OR2L13: variants seen among roughly 807,000 people sequenced by gnomAD.
OR2L13 encodes olfactory receptor family 2 subfamily L member 13.
A neutral mutation model predicts 15.3 loss-of-function variants in OR2L13; 14 were observed. The observed-to-expected ratio is 0.91, with a 90% CI of 0.60 to 1.43. The LOEUF (loss-of-function observed/expected upper bound fraction) is 1.43. OR2L13 is among the 40% of genes most tolerant of loss of function. OR2L13 has a pLI of 0.00. For synonymous variants in OR2L13, 152 were observed against 142.9 expected, an observed-to-expected ratio of 1.06 and a Z score of -0.45; for missense variants, 367 against 387.9, an observed-to-expected ratio of 0.95 and a Z score of 0.45.
At chr1:247,960,853 T>G in the OR2L13 span, among the ~76,000 whole-genome samples, 1 of 152,164 alleles carries the variant, frequency 6.6e-6, no homozygotes, top group African/African-American at 2.4e-5. Flanking sequence ...TTTCTTTGAC[T>G]AGGAAAGGGA....
chr1:248,075,922 C>T, the OR2L13 span, among the ~76,000 whole-genome samples: 1,138 of 152,210 alleles, frequency 7.5e-3, 19 homozygotes, highest in African/African-American at 0.026. Context: ...ACGCCCTTGC[C>T]CTTGCCTATG....
At chr1:248,098,396 T>C (rs1572744351) in intron 1 of OR2L13, among the ~76,000 whole-genome samples, 1 of 152,202 alleles carries the variant, frequency 6.6e-6, no homozygotes, top group African/African-American at 2.4e-5. Flanking sequence ...TCTAAAGCAC[T>C]ATAAGAAGCA....
chr1:247,995,294 CAT>C, the OR2L13 span, among the ~76,000 whole-genome samples: 1 of 152,172 alleles, frequency 6.6e-6, no homozygotes, highest in South Asian at 2.1e-4. Flanking sequence ...CTAATAATAA[CAT>C]GTGTCATCAA....
At chr1:247,942,366 A>G in the OR2L13 span, among the ~76,000 whole-genome samples, 1 of 152,152 alleles carries the variant, frequency 6.6e-6, no homozygotes, top group South Asian at 2.1e-4. Flanking sequence ...CAAGTTTTCT[A>G]CATAAAATGT....
exon 3 of OR2L13, chr1:248,099,374 T>C (rs1424746407): frequency 6.3e-7 from 1 of 1,596,288 alleles, no homozygotes; most frequent in Admixed American, 1.7e-5. Context: ...CAGAAAGTTT[T>C]CATGGAGAAA....
chr1:248,090,698 T>G (rs75141503), upstream of OR2L13, among the ~76,000 whole-genome samples: 6,548 of 152,290 alleles, frequency 0.043, 476 homozygotes, highest in African/African-American at 0.15. Context: ...GATGGGCATG[T>G]AGGTTGATTC....
At chr1:248,010,458 G>C in the OR2L13 span, among the ~76,000 whole-genome samples, 3 of 152,154 alleles carry the variant, frequency 2.0e-5, no homozygotes, top group African/African-American at 4.8e-5. Flanking sequence ...GTGCAGAGCT[G>C]AGCTCTAGTC....
the OR2L13 span, among the ~76,000 whole-genome samples, chr1:247,942,301 G>T: frequency 2.0e-5 from 3 of 152,068 alleles, no homozygotes; most frequent in African/African-American, 7.2e-5. Flanking sequence ...CTGTCACAAG[G>T]TCCTCATTTC....
At chr1:247,979,694 C>T in the OR2L13 span, among the ~76,000 whole-genome samples, 10 of 152,182 alleles carry the variant, frequency 6.6e-5, no homozygotes, top group Middle Eastern at 0.01. Context: ...TGAGATGAAC[C>T]AGGTACCTCA....
At chr1:247,956,259 T>A in the OR2L13 span, among the ~76,000 whole-genome samples, 4 of 152,190 alleles carry the variant, frequency 2.6e-5, no homozygotes, top group South Asian at 4.1e-4. Context: ...GTTGTAGATA[T>A]GCGGCATTAT....
the OR2L13 span, among the ~76,000 whole-genome samples, chr1:248,008,368 T>C: frequency 2.6e-5 from 4 of 152,184 alleles, no homozygotes; most frequent in Non-Finnish European, 5.9e-5. Context: ...ACCATTTATT[T>C]GGACTTCATA....
upstream of OR2L13, among the ~76,000 whole-genome samples, chr1:248,092,723 G>A (rs1664627918): frequency 6.6e-6 from 1 of 152,134 alleles, no homozygotes. Flanking sequence ...AGGCTTCATG[G>A]AGACACCATC....
chr1:247,953,568 A>T, the OR2L13 span, among the ~76,000 whole-genome samples: 1 of 152,192 alleles, frequency 6.6e-6, no homozygotes, highest in Non-Finnish European at 1.5e-5. Context: ...AATAGGGTAA[A>T]TTGAAGGAAT....
the OR2L13 span, among the ~76,000 whole-genome samples, chr1:247,958,945 T>C: frequency 6.6e-6 from 1 of 152,356 alleles, no homozygotes; most frequent in East Asian, 1.9e-4. Context: ...CATTTACTTT[T>C]AAGGTTAATA....
chr1:248,053,656 G>A, the OR2L13 span, among the ~76,000 whole-genome samples: 54 of 152,248 alleles, frequency 3.5e-4, 1 homozygote, highest in Admixed American at 1.7e-3. Flanking sequence ...CATTCTGATC[G>A]GCAGCAGATG....
chr1:248,005,400 G>A, the OR2L13 span, among the ~76,000 whole-genome samples: 1 of 152,060 alleles, frequency 6.6e-6, no homozygotes, highest in African/African-American at 2.4e-5. Context: ...CTGTTTCATT[G>A]TTCTATGTGT....
At chr1:248,004,921 A>C in the OR2L13 span, among the ~76,000 whole-genome samples, 1 of 152,300 alleles carries the variant, frequency 6.6e-6, no homozygotes, top group Non-Finnish European at 1.5e-5. Flanking sequence ...AGGCACAGAA[A>C]GATTCTGCAT....
the OR2L13 span, among the ~76,000 whole-genome samples, chr1:248,067,920 C>T: frequency 1.3e-5 from 2 of 152,222 alleles, no homozygotes; most frequent in African/African-American, 2.4e-5. Flanking sequence ...GATCAAACTG[C>T]AAGGTGGCAG....
chr1:247,981,394 T>C, the OR2L13 span, among the ~76,000 whole-genome samples: 23 of 152,326 alleles, frequency 1.5e-4, 1 homozygote, highest in South Asian at 2.1e-3. Context: ...TAAAGGACCC[T>C]CTTCTGAAAA....
Sources: allele counts gnomAD v4.1 joint callset (sites outside exome capture counted in the v4.1 genomes callset), GRCh38; gene constraint gnomAD v4.1.1; transcripts MANE v1.5; gene names NCBI Gene and HGNC (gene_info 2026-07-23, HGNC 2026-07-21).